The following ICA1 variants were observed in gnomAD, a reference collection of about 807,000 sequenced individuals.
ICA1 encodes the protein islet cell autoantigen 1, also known as 69 kDa islet cell autoantigen.
In ICA1, 40 loss-of-function variants were observed where a neutral mutation model predicts 71.0. That is an observed-to-expected ratio of 0.56 (90% CI 0.44 to 0.73). The LOEUF (loss-of-function observed/expected upper bound fraction) is 0.73. Ranked by LOEUF, ICA1 falls within the 30% of genes least tolerant of loss-of-function variation. The pLI is 0.00. For synonymous variants in ICA1, 207 were observed against 209.5 expected (o/e 0.99, Z 0.10); for missense variants, 578 against 576.5 (o/e 1.00, Z -0.03).
intron 6 of ICA1, among the ~76,000 whole-genome samples, chr7:8,207,663 G>C (rs1037144709): frequency 2.0e-5 from 3 of 152,180 alleles, no homozygotes; most frequent in Non-Finnish European, 4.4e-5. Context: ...TGAGAATTGT[G>C]CACATTTTAG....
chr7:8,221,209 G>C (rs528647982), intron 5 of ICA1, 66 bp downstream of exon 5: 1 of 1,595,296 alleles, frequency 6.3e-7, no homozygotes, highest in Non-Finnish European at 8.6e-7. Flanking sequence ...ATTCCCTTTC[G>C]TGAGTAGGTG....
rs552807871 is a variant in ICA1 at position 8,231,065 on chromosome 7, G to C, written c.183+1525C>G. Among the ~76,000 whole-genome samples the C allele has an allele frequency of 2.0e-5, 3 of 152,032 alleles. No homozygotes were observed. In the South Asian group the frequency reaches 6.2e-4, roughly 32 times the overall value. On this transcript the variant is annotated intron_variant, in intron 3 of 13. Transcript: ENST00000402384. The stretch of plus-strand genomic sequence containing the variant: ...TAAAATAAAACATGGCCAGGTGTTA[G>C]ACAGTGAGCAGGGGTGGGGTAGGTG...
At chr7:8,255,608 C>G (rs377141259) in intron 1 of ICA1, among the ~76,000 whole-genome samples, 41 of 152,296 alleles carry the variant, frequency 2.7e-4, no homozygotes, top group African/African-American at 9.9e-4. Flanking sequence ...ATTTCCACCT[C>G]CAGATGGTAA....
intron 5 of ICA1, 69 bp from the exon 6 acceptor site, chr7:8,218,572 C>T: frequency 1.6e-6 from 2 of 1,279,880 alleles, no homozygotes; most frequent in Non-Finnish European, 2.3e-6. Flanking sequence ...TGACATTCTG[C>T]CAATCTTAGA....
chr7:8,117,031 C>T (rs980632602), intron 13 of ICA1, among the ~76,000 whole-genome samples: 4 of 152,120 alleles, frequency 2.6e-5, no homozygotes, highest in African/African-American at 7.2e-5. Flanking sequence ...GATGGTTTCC[C>T]CCATGCTGTT....
chr7:8,201,518 C>T, intron 6 of ICA1, among the ~76,000 whole-genome samples: 1 of 152,110 alleles, frequency 6.6e-6, no homozygotes, highest in East Asian at 1.9e-4. Context: ...AAACCAAAGG[C>T]AGAAGATGAG....
At chr7:8,166,358 A>G (rs534441459) in intron 6 of ICA1, among the ~76,000 whole-genome samples, 63 of 152,316 alleles carry the variant, frequency 4.1e-4, no homozygotes, top group African/African-American at 1.5e-3. Flanking sequence ...CAACCATGTG[A>G]TCTTCAACAA....
chr7:8,121,049 T>G (rs539000507), intron 13 of ICA1, among the ~76,000 whole-genome samples: 21 of 152,342 alleles, frequency 1.4e-4, no homozygotes, highest in African/African-American at 5.1e-4. Context: ...TAAAATGTCC[T>G]GCTTCATTTG....
At chr7:8,228,023 T>C (rs1220059105) in intron 4 of ICA1, among the ~76,000 whole-genome samples, 2 of 149,494 alleles carry the variant, frequency 1.3e-5, no homozygotes, top group African/African-American at 5.1e-5. Context: ...AATATATACA[T>C]TATATTATTA....
At chr7:8,169,561 C>G (rs1468338205) in intron 6 of ICA1, among the ~76,000 whole-genome samples, 2 of 151,998 alleles carry the variant, frequency 1.3e-5, no homozygotes, top group Non-Finnish European at 2.9e-5. Context: ...CCATTATAGT[C>G]ATAATTATTG....
intron 1 of ICA1, among the ~76,000 whole-genome samples, chr7:8,251,430 G>A (rs1808166051): frequency 6.7e-6 from 1 of 148,668 alleles, no homozygotes; most frequent in Non-Finnish European, 1.5e-5. Flanking sequence ...TTGCTCATCT[G>A]TAAAACAGTA....
intron 1 of ICA1, among the ~76,000 whole-genome samples, chr7:8,251,276 A>G (rs1279800714): frequency 2.0e-5 from 3 of 151,922 alleles, no homozygotes; most frequent in Non-Finnish European, 2.9e-5. Context: ...GATTAAGTTT[A>G]ATGACTCCCT....
rs1404296852 is a variant in ICA1 at position 8,132,760 on chromosome 7, C to A, written c.1061-4618G>T. Reference sequence around the variant, plus strand: ...CTTCCCTACATTCTCTATAGAAGATCTTTTCTATTCTTAGGGTTCCAATGT... The same window carrying A: ...CTTCCCTACATTCTCTATAGAAGATATTTTCTATTCTTAGGGTTCCAATGT... On this transcript the variant is annotated intron_variant, in intron 12 of 13. Transcript: ENST00000402384. This position sits in a 1 kb window ranked among gnomAD's most constrained non-coding sequence, Gnocchi z 4.5. 1.3e-5 allele frequency among the ~76,000 whole-genome samples: 2 copies of A among 152,180 alleles called. No homozygotes were observed. The highest frequency in any genetic ancestry group is 2.9e-5 in the Non-Finnish European group (2 of 68,032).
At chr7:8,138,943 T>A in intron 11 of ICA1, 42 bp downstream of exon 11, 1 of 1,599,880 alleles carries the variant, frequency 6.3e-7, no homozygotes. Context: ...GGAGTTTGAG[T>A]CAAATAATTA....
At chr7:8,145,764 A>ATATATGTATG (rs55971486) in intron 8 of ICA1, among the ~76,000 whole-genome samples, 2 of 136,310 alleles carry the variant, frequency 1.5e-5, no homozygotes, top group African/African-American at 2.6e-5. Flanking sequence ...ATATATATAT[A>ATATATGTATG]TATGTATATA....
intron 12 of ICA1, among the ~76,000 whole-genome samples, chr7:8,129,220 T>C (rs1385791950): frequency 6.6e-6 from 1 of 152,184 alleles, no homozygotes; most frequent in African/African-American, 2.4e-5. Context: ...TTGGAAACTA[T>C]AAACATTTTT....
At chr7:8,219,284 G>T (rs2128416344) in intron 5 of ICA1, among the ~76,000 whole-genome samples, 1 of 152,338 alleles carries the variant, frequency 6.6e-6, no homozygotes. Flanking sequence ...AGCAATGTCA[G>T]ATGAATTATA....
chr7:8,197,960 A>C (rs1788268281), intron 6 of ICA1, among the ~76,000 whole-genome samples: 2 of 152,232 alleles, frequency 1.3e-5, no homozygotes, highest in African/African-American at 4.8e-5. Context: ...TATGTTATAC[A>C]TAATGATTTT....
chr7:8,153,160 T>A (rs999858449), intron 8 of ICA1, among the ~76,000 whole-genome samples: 1 of 152,224 alleles, frequency 6.6e-6, no homozygotes, highest in African/African-American at 2.4e-5. Context: ...GCTCCAGAGA[T>A]TGTGCTTTTA....
Sources: allele counts gnomAD v4.1 joint callset (sites outside exome capture counted in the v4.1 genomes callset), GRCh38; gene constraint gnomAD v4.1.1; non-coding constraint Gnocchi (gnomAD v3.1); transcripts MANE v1.5; gene names NCBI Gene and HGNC (gene_info 2026-07-23, HGNC 2026-07-21).